The following KCNMA1 variants were observed in gnomAD, a reference collection of about 807,000 sequenced individuals.
KCNMA1 encodes the protein potassium calcium-activated channel subfamily M alpha 1.
In KCNMA1, 29 loss-of-function variants were observed where a neutral mutation model predicts 140.0. The ratio of observed to expected loss-of-function variants is 0.21; its 90% CI spans 0.15 to 0.28. KCNMA1 has a LOEUF of 0.28. KCNMA1 is among the 10% of genes least tolerant of loss of function. The pLI is 1.00. For missense variants in KCNMA1, 880 were observed against 1,602.2 expected (o/e 0.55, Z 7.70); for synonymous variants, 612 against 611.9 (o/e 1.00, Z 0.00).
chr10:77,209,020 C>T (rs1437508877), intron 3 of KCNMA1, among the ~76,000 whole-genome samples: 1 of 152,148 alleles, frequency 6.6e-6, no homozygotes, highest in Admixed American at 6.5e-5. Context: ...TACCAATTAT[C>T]TCTCTTTGGA....
rs187574148 is a variant in KCNMA1 at position 77,606,434 on chromosome 10, C to A, written c.378+30831G>T. Among the ~76,000 whole-genome samples the A allele has an allele frequency of 2.1e-3, 322 of 152,196 alleles. 6 individuals are homozygous for A. The highest frequency in any genetic ancestry group is 0.012 in the Admixed American group (190 of 15,278). On this transcript the variant is annotated intron_variant, in intron 1 of 27. Transcript: ENST00000286628. ...ATCGCTTGAGGCTGGGAGTTCAAGA[C>A]CCCATCTCTACAAAATAATTAAAAA...
At chr10:77,106,912 T>G (rs1233768359) in intron 9 of KCNMA1, among the ~76,000 whole-genome samples, 1 of 152,164 alleles carries the variant, frequency 6.6e-6, no homozygotes, top group Non-Finnish European at 1.5e-5. Flanking sequence ...AGAGGGAAGA[T>G]GGAGGGATGT....
chr10:76,945,533 C>T (rs1276362269), intron 22 of KCNMA1, among the ~76,000 whole-genome samples: 1 of 151,866 alleles, frequency 6.6e-6, no homozygotes, highest in East Asian at 1.9e-4. Context: ...GTGTGCAATG[C>T]AAAAGAGATA....
At chr10:77,293,239 A>T (rs905925956) in intron 2 of KCNMA1, among the ~76,000 whole-genome samples, 1 of 152,166 alleles carries the variant, frequency 6.6e-6, no homozygotes, top group Non-Finnish European at 1.5e-5. Context: ...ATGTATAGGG[A>T]ATTTTCCTCA....
intron 5 of KCNMA1, among the ~76,000 whole-genome samples, chr10:77,152,278 T>TTGTGTGTGTGTGTGTGTGTGTGTGTG (rs72088425): frequency 0.01 from 1,034 of 99,092 alleles, 17 homozygotes; most frequent in African/African-American, 0.032. Flanking sequence ...TTTTTTGCTT[T>TTGTGTGTGTGTGTGTGTGTGTGTGTG]TGTGTGTGTG....
intron 1 of KCNMA1, among the ~76,000 whole-genome samples, chr10:77,553,518 G>C (rs1347057457): frequency 6.6e-6 from 1 of 152,188 alleles, no homozygotes; most frequent in African/African-American, 2.4e-5. Flanking sequence ...GCAGTCACCA[G>C]GCAACCCTGC....
intron 1 of KCNMA1, among the ~76,000 whole-genome samples, chr10:77,440,384 G>A (rs1374368778): frequency 6.6e-6 from 1 of 152,168 alleles, no homozygotes; most frequent in Admixed American, 6.5e-5. Context: ...AGGCCACAGG[G>A]TTAAGTAAGA....
At position 77,540,424 on chromosome 10, in the gene KCNMA1, G is replaced by A. The variant is rs2059914672; in HGVS notation, c.378+96841C>T. Among the ~76,000 whole-genome samples the A allele has an allele frequency of 1.3e-5, 2 of 152,196 alleles. 1 individual carries two copies. Among genetic ancestry groups the A allele is most frequent in the South Asian group, 4.1e-4 (2 of 4,836 alleles). ...AACTCCTTTGGGAAAAACTGGCACT[G>A]TTCAGACTATAATTTGTTCATATAA... is the stretch of plus-strand genomic sequence containing the variant. On this transcript the variant is annotated intron_variant, in intron 1 of 27. Coordinates refer to ENST00000286628, the MANE Select transcript of KCNMA1 (RefSeq NM_001161352.2).
At chr10:76,941,219 G>GAA (rs1001799830) in intron 23 of KCNMA1, among the ~76,000 whole-genome samples, 3 of 151,080 alleles carry the variant, frequency 2.0e-5, no homozygotes, top group African/African-American at 7.3e-5. Context: ...GAAAAGAAAA[G>GAA]AAAAAAAATG....
intron 1 of KCNMA1, among the ~76,000 whole-genome samples, chr10:77,596,770 C>G (rs2081066904): frequency 1.3e-5 from 2 of 152,134 alleles, no homozygotes; most frequent in South Asian, 2.1e-4. Context: ...ATCTTCTTGG[C>G]TATTTTGACG....
chr10:77,562,691 G>A (rs932527188), intron 1 of KCNMA1, among the ~76,000 whole-genome samples: 5 of 152,070 alleles, frequency 3.3e-5, no homozygotes, highest in African/African-American at 4.8e-5. Context: ...GATCATTTGG[G>A]GTAATAACCT....
At chr10:77,176,866 A>G (rs755498338) in intron 5 of KCNMA1, among the ~76,000 whole-genome samples, 6 of 152,238 alleles carry the variant, frequency 3.9e-5, no homozygotes, top group Non-Finnish European at 5.9e-5. Context: ...CAGGCAAATT[A>G]AGGTTGCTGA....
chr10:77,379,507 G>T (rs1274781179), intron 2 of KCNMA1, among the ~76,000 whole-genome samples: 1 of 150,544 alleles, frequency 6.6e-6, no homozygotes, highest in African/African-American at 2.4e-5. Context: ...TAACAGAAGA[G>T]AAGCAGAAGA....
intron 1 of KCNMA1, among the ~76,000 whole-genome samples, chr10:77,570,593 A>AAGGGGAG (rs1555460549): frequency 7.3e-5 from 3 of 40,858 alleles, no homozygotes; most frequent in African/African-American, 1.0e-4. Context: ...GTTGTGGGGT[A>AAGGGGAG]GGGGGAGGGG....
At chr10:77,498,624 A>G (rs1157353621) in intron 1 of KCNMA1, 1 of 152,236 alleles carries the variant, frequency 6.6e-6, no homozygotes, top group East Asian at 1.9e-4. Context: ...TTCATCATCC[A>G]GTGCTCTAGT....
At chr10:77,415,372 A>T (rs2096718022) in intron 1 of KCNMA1, among the ~76,000 whole-genome samples, 1 of 152,216 alleles carries the variant, frequency 6.6e-6, no homozygotes. Context: ...TAGAGTCCTC[A>T]GCCAGGATGA....
rs182145340 is a variant in KCNMA1 at position 77,456,562 on chromosome 10, C to T, written c.379-52539G>A. Among the ~76,000 whole-genome samples the T allele has an allele frequency of 4.0e-3, 611 of 152,284 alleles. 4 individuals are homozygous for T. The highest frequency in any genetic ancestry group is 0.014 in the African/African-American group (586 of 41,552). On this transcript the variant is annotated intron_variant, in intron 1 of 27. Coordinates refer to ENST00000286628, the MANE Select transcript of KCNMA1 (RefSeq NM_001161352.2). ...GCCATATCCCCGGCAGTTAGCAAAACGTCTGGCATATGGCAGGTGCAAGGC... is the reference window on the plus strand; with the variant it reads ...GCCATATCCCCGGCAGTTAGCAAAATGTCTGGCATATGGCAGGTGCAAGGC...
intron 5 of KCNMA1, among the ~76,000 whole-genome samples, chr10:77,144,971 G>A (rs1174225080): frequency 2.0e-5 from 3 of 152,160 alleles, no homozygotes; most frequent in Non-Finnish European, 4.4e-5. Flanking sequence ...GCAAAGCTCT[G>A]CACAGGGTCT....
intron 3 of KCNMA1, among the ~76,000 whole-genome samples, chr10:77,226,588 C>T (rs569578070): frequency 3.3e-5 from 5 of 152,172 alleles, no homozygotes; most frequent in South Asian, 4.1e-4. Flanking sequence ...ATTTCTTACT[C>T]GGAAAATCAT....
Sources: gnomAD v4.1 joint callset for allele counts (sites outside exome capture counted in the v4.1 genomes callset) on GRCh38, gnomAD v4.1.1 for gene constraint, MANE v1.5 for transcripts, NCBI Gene and HGNC (gene_info 2026-07-23, HGNC 2026-07-21) for gene names.